NADK: variants seen among roughly 807,000 people sequenced by gnomAD.
NADK encodes NAD kinase.
NADK carries 22 observed loss-of-function variants against 49.8 expected under a neutral mutation model. The observed-to-expected ratio is 0.44, with a 90% CI of 0.32 to 0.63. NADK has a LOEUF of 0.63. Ranked by LOEUF, NADK falls within the 30% of genes least tolerant of loss-of-function variation. NADK has a pLI of 0.06. For missense variants in NADK, 438 were observed against 609.4 expected (o/e 0.72, Z 2.96); for synonymous variants, 268 against 253.7 (o/e 1.06, Z -0.54).
chr1:1,762,018 T>A lies in NADK; in HGVS notation c.197A>T (p.His66Leu). 6.2e-7 allele frequency: 1 copy of A among 1,613,938 alleles called. No individual in the cohort carries two copies. Among genetic ancestry groups the A allele is most frequent in the Non-Finnish European group, 8.5e-7 (1 of 1,179,970 alleles). The change falls in exon 3 of 12, where the codon CAT becomes CTT. Residue 66 changes from histidine (H) to leucine (L), a missense_variant. His to Leu is a moderately conservative substitution (Grantham distance 99, BLOSUM62 -3). Transcript: ENST00000341426. ...AAAAGTGGTCACCGGGCATGGCCCA[T>A]GAAGAGAGCGTGTCCTCCTGTGGGG... ...TKEFRRTRSL[H>L]GPCPVTTFGP...
chr1:1,778,927 C>G (rs1412082789), upstream of NADK: 1 of 152,572 alleles, frequency 6.6e-6, no homozygotes, highest in Non-Finnish European at 1.5e-5. This position sits in a 1 kb window ranked among gnomAD's most constrained non-coding sequence, Gnocchi z 4.9. Context: ...CCCCGCCCGC[C>G]GCCGCTTCCC....
rs1645343236 is a variant in NADK at position 1,752,086 on chromosome 1, G to T, written c.*818C>A. The T allele has an allele frequency of 6.6e-6, 1 of 152,232 alleles. No homozygotes were observed. The highest frequency in any genetic ancestry group is 1.9e-4 in the East Asian group (1 of 5,164). The allele number at this position is 152,232 out of a possible 1,614,324, so 9.4% of individuals were successfully genotyped here. A position where few individuals can be genotyped will look rare whatever the true frequency, so the allele number is the denominator to read the frequency against. On this transcript the variant is annotated 3_prime_UTR_variant, in exon 12 of 12. Coordinates refer to ENST00000341426, the MANE Select transcript of NADK (RefSeq NM_023018.5). Reference sequence around the variant, plus strand: ...GGTCCCCTAATGGTCCCTGAGGACAGCGTCTTGCAGAACATAAATGTAAAC... The same window carrying T: ...GGTCCCCTAATGGTCCCTGAGGACATCGTCTTGCAGAACATAAATGTAAAC...
intron 3 of NADK, chr1:1,759,141 G>C (rs924598245): frequency 2.3e-5 from 35 of 1,555,284 alleles, no homozygotes; most frequent in Non-Finnish European, 3.0e-5. Context: ...CTGAGGCTCA[G>C]CTGAGCCCAG....
chr1:1,757,037 TC>T, intron 4 of NADK, 143 bp downstream of exon 4: 1 of 1,271,906 alleles, frequency 7.9e-7, no homozygotes, highest in Non-Finnish European at 1.1e-6. Flanking sequence ...ACCCGGCAGA[TC>T]CCCACTCAGT....
chr1:1,760,654 T>C (rs1324570924), intron 3 of NADK, among the ~76,000 whole-genome samples: 2 of 150,992 alleles, frequency 1.3e-5, no homozygotes, highest in Non-Finnish European at 3.0e-5. Flanking sequence ...AAGTGAAGCA[T>C]CCATGACTCC....
At chr1:1,775,974 C>T (rs757494758) in intron 1 of NADK, among the ~76,000 whole-genome samples, 5 of 152,128 alleles carry the variant, frequency 3.3e-5, no homozygotes, top group Non-Finnish European at 7.4e-5. Flanking sequence ...CAGGTATATA[C>T]GGACTAGAAA....
chr1:1,759,351 C>T, intron 3 of NADK: 1 of 1,403,646 alleles, frequency 7.1e-7, no homozygotes, highest in Non-Finnish European at 9.4e-7. Flanking sequence ...GTGGGTACTG[C>T]ACGGAGAGGG....
Position 1,752,208 on chromosome 1 carries a change from C to T in NADK, c.*696G>A, listed in dbSNP as rs963223231. 1.3e-5 allele frequency: 2 copies of T among 152,674 alleles called. No homozygotes were observed. The highest frequency in any genetic ancestry group is 4.8e-5 in the African/African-American group (2 of 41,464). The allele number at this position is 152,674 out of a possible 1,614,324, so 9.5% of individuals were successfully genotyped here. ...CACTTCAGAAAGTTTAAAAGAGTCT[C>T]TAAAAAGTATATACAGGATTTAAAC... On this transcript the variant is annotated 3_prime_UTR_variant, in exon 12 of 12. Coordinates refer to ENST00000341426, the MANE Select transcript of NADK (RefSeq NM_023018.5).
At chr1:1,756,755 C>T in intron 4 of NADK, 147 bp from the exon 5 acceptor site, 1 of 1,356,934 alleles carries the variant, frequency 7.4e-7, no homozygotes, top group Non-Finnish European at 1.0e-6. Context: ...ACTTCATCAC[C>T]AACGCGCCAG....
intron 3 of NADK, chr1:1,759,591 G>C: frequency 9.8e-7 from 1 of 1,018,966 alleles, no homozygotes. Context: ...CGGAAGTTCA[G>C]ATGCATGGGA....
chr1:1,755,304 C>T (rs1325074057), intron 7 of NADK, 70 bp downstream of exon 7: 1 of 1,078,298 alleles, frequency 9.3e-7, no homozygotes, highest in Non-Finnish European at 1.4e-6. Flanking sequence ...GAAAATAAAC[C>T]CCCCGCAAGC....
chr1:1,753,732 G>C (rs1410903334), intron 10 of NADK, 83 bp from the exon 11 acceptor site: 2 of 1,286,126 alleles, frequency 1.6e-6, no homozygotes, highest in Non-Finnish European at 2.2e-6. Flanking sequence ...GCTCGCCAGA[G>C]GTCGAAGGTT....
chr1:1,755,519 C>G (rs74046213), intron 6 of NADK, 43 bp from the exon 7 acceptor site: 1 of 1,451,198 alleles, frequency 6.9e-7, no homozygotes, highest in South Asian at 1.1e-5. Flanking sequence ...ACGCCGTGCA[C>G]CCCCGCACCA....
rs1460299353 is a variant in NADK at position 1,773,709 on chromosome 1, T to A, written c.-41+4580A>T. ...GTGTGTGTGTGTGTGTGTGTGTGTG[T>A]GTGTGTGTGTGTGTGTGTGTGAGAG... On this transcript the variant is annotated intron_variant, in intron 1 of 11. Transcript: ENST00000341426. Among the ~76,000 whole-genome samples, 714 of 99,248 alleles carry A rather than the reference T, an allele frequency of 7.2e-3. 20 individuals carry two copies. The highest frequency in any genetic ancestry group is 0.035 in the South Asian group (121 of 3,430). 65.1% of individuals were successfully genotyped at this position (99,248 alleles called of 152,430 possible). A position where few individuals can be genotyped will look rare whatever the true frequency, so the allele number is the denominator to read the frequency against.
At position 1,765,254 on chromosome 1, in the gene NADK, G is replaced by C. The variant is rs150021026; in HGVS notation, c.153C>G (p.Pro51=). Reference sequence around the variant, plus strand: ...TGAACTCCTTGGTGCTCCCCAGGGCGGGCGAGGCAGACAGGCTGCGAGACT... The same window carrying C: ...TGAACTCCTTGGTGCTCCCCAGGGCCGGCGAGGCAGACAGGCTGCGAGACT... ...RAKSRSLSAS[P]ALGSTKEFRR... is the part of the protein sequence containing the mutation. The change falls in exon 2 of 12, where the codon CCC becomes CCG. Residue 51 remains proline, a synonymous_variant. Transcript: ENST00000341426. 3.7e-6 allele frequency: 6 copies of C among 1,611,230 alleles called. No homozygotes were observed. The highest frequency in any genetic ancestry group is 5.1e-6 in the Non-Finnish European group (6 of 1,178,718).
rs758119080 is a variant in NADK at position 1,756,230 on chromosome 1, T to C, written c.585+28A>G. On this transcript the variant is annotated intron_variant, in intron 6 of 11. Transcript: ENST00000341426. ...ACGCAGCACCTAGACTAGAACCTGG[T>C]GTGGGTCTGGAAATGTCAGCGCTTC... The C allele has an allele frequency of 1.9e-6, 3 of 1,599,922 alleles. No homozygotes were observed. In the Admixed American group the frequency reaches 5.0e-5, roughly 27 times the overall value.
chr1:1,756,097 G>A (rs551364687), intron 6 of NADK, 161 bp downstream of exon 6: 43 of 686,034 alleles, frequency 6.3e-5, no homozygotes, highest in South Asian at 2.7e-4. Flanking sequence ...CCCCACCGTC[G>A]CACCCCACCG....
At chr1:1,758,762 A>T (rs888042843) in intron 3 of NADK, 120 of 595,650 alleles carry the variant, frequency 2.0e-4, no homozygotes, top group Non-Finnish European at 1.9e-4. Flanking sequence ...AGCAGCAAAG[A>T]GGCCACACTT....
rs1265614547 is a variant in NADK at position 1,756,275 on chromosome 1, C to T, written c.568G>A (p.Ala190Thr). 1 of 1,614,066 alleles carries T rather than the reference C, an allele frequency of 6.2e-7. No individual in the cohort carries two copies. The highest frequency in any genetic ancestry group is 8.5e-7 in the Non-Finnish European group (1 of 1,179,946). Residue 190 changes from alanine to threonine, a missense_variant, in exon 6 of 12, where the codon GCT becomes ACT. Physicochemically the swap from Ala to Thr is moderately conservative, Grantham distance 58. Coordinates refer to ENST00000341426, the MANE Select transcript of NADK (RefSeq NM_023018.5). ...CLGGDGTLLY[A>T]SSLFQGSVPP... ...CGCTTCACCTGGAAAAGCGAGGAAGCGTACAGCAGCGTCCCGTCTCCCCCC... is the reference window on the plus strand; with the variant it reads ...CGCTTCACCTGGAAAAGCGAGGAAGTGTACAGCAGCGTCCCGTCTCCCCCC...
Sources: gnomAD v4.1 joint callset for allele counts (sites outside exome capture counted in the v4.1 genomes callset) on GRCh38, gnomAD v4.1.1 for gene constraint, Gnocchi (gnomAD v3.1) non-coding constraint, MANE v1.5 for transcripts, NCBI Gene and HGNC (gene_info 2026-07-23, HGNC 2026-07-21) for gene names.